Variants in COPS7B observed in about 807,000 individuals in gnomAD.
COPS7B encodes the protein COP9 signalosome complex subunit 7b.
Under a neutral mutation model 33.4 loss-of-function variants are expected in COPS7B, and 9 were observed. The ratio of observed to expected loss-of-function variants is 0.27; its 90% CI spans 0.16 to 0.47. COPS7B has a LOEUF of 0.47. Among genes scored for constraint, COPS7B ranks in the 20% least tolerant of loss-of-function variants. The pLI, the probability that COPS7B is intolerant of heterozygous loss-of-function variation, is 0.99. For synonymous variants in COPS7B, 119 were observed against 126.3 expected (o/e 0.94, Z 0.39); for missense variants, 242 against 318.2 (o/e 0.76, Z 1.82).
At chr2:231,793,807 C>T (rs2049487977) in intron 3 of COPS7B, 1 of 153,490 alleles carries the variant, frequency 6.5e-6, no homozygotes, top group Admixed American at 6.5e-5. Context: ...GATTGTAAGA[C>T]CGAGGACAAG....
chr2:231,803,755 G>T (rs2049814597), intron 6 of COPS7B, among the ~76,000 whole-genome samples: 1 of 152,196 alleles, frequency 6.6e-6, no homozygotes, highest in African/African-American at 2.4e-5. Context: ...ACTGCAGAAG[G>T]ATGATGCGCG....
Position 231,793,111 on chromosome 2 carries a change from G to A in COPS7B, c.239-1152G>A, listed in dbSNP as rs77404430. 1.1e-4 allele frequency among the ~76,000 whole-genome samples: 17 copies of A among 152,314 alleles called. No individual in the cohort carries two copies. In the East Asian group the frequency reaches 3.3e-3, roughly 29 times the overall value. On this transcript the variant is annotated intron_variant, in intron 3 of 6. Coordinates refer to ENST00000350033, the MANE Select transcript of COPS7B (RefSeq NM_022730.4). ...AGTTGTGTGTTCGTTGACAAATGAA[G>A]TAACCTTATGCAGCTCAATTTCCTC...
chr2:231,808,446 G>T lies in COPS7B; in HGVS notation c.*801G>T, dbSNP rs759786591. On this transcript the variant is annotated 3_prime_UTR_variant, in exon 7 of 7. Coordinates refer to ENST00000350033, the MANE Select transcript of COPS7B (RefSeq NM_022730.4). ...GCCCCAGCTGCCCACTGGAACTGCC[G>T]GCTAATGCTTGCTCTCCCAAGATCT... 1.5e-5 allele frequency: 7 copies of T among 471,430 alleles called. No individual in the cohort carries two copies. Among genetic ancestry groups the T allele is most frequent in the South Asian group, 1.1e-4 (7 of 64,544 alleles). The allele number at this position is 471,430 out of a possible 1,614,324, so 29.2% of individuals were successfully genotyped here. A position where few individuals can be genotyped will look rare whatever the true frequency, so the allele number is the denominator to read the frequency against.
chr2:231,785,153 G>A (rs1417044080), upstream of COPS7B, among the ~76,000 whole-genome samples: 1 of 152,154 alleles, frequency 6.6e-6, no homozygotes, highest in Non-Finnish European at 1.5e-5. Context: ...CTCACCGGAG[G>A]TTTTCCCTGC....
chr2:231,806,053 C>A (rs2049885837), intron 6 of COPS7B, among the ~76,000 whole-genome samples: 1 of 151,874 alleles, frequency 6.6e-6, no homozygotes, highest in African/African-American at 2.4e-5. Context: ...TGGCTTTTCC[C>A]CCTGTCTCAA....
chr2:231,799,491 A>G (rs1051176931), intron 6 of COPS7B, among the ~76,000 whole-genome samples: 7 of 152,254 alleles, frequency 4.6e-5, no homozygotes, highest in African/African-American at 1.4e-4. Flanking sequence ...GAAAGAAGAA[A>G]GGGATAAAAT....
intron 4 of COPS7B, among the ~76,000 whole-genome samples, chr2:231,795,202 A>C (rs2049532360): frequency 6.6e-6 from 1 of 152,090 alleles, no homozygotes; most frequent in Non-Finnish European, 1.5e-5. Flanking sequence ...TACAGGCATG[A>C]GCCACCGTGC....
chr2:231,801,092 A>G (rs1000801198), intron 6 of COPS7B: 13 of 1,539,074 alleles, frequency 8.4e-6, no homozygotes, highest in Non-Finnish European at 1.1e-5. Flanking sequence ...TTAAAAGCCA[A>G]TTTTGTCAAC....
At chr2:231,784,082 G>A (rs2049184962), upstream of COPS7B, among the ~76,000 whole-genome samples, 1 of 151,544 alleles carries the variant, frequency 6.6e-6, no homozygotes, top group Non-Finnish European at 1.5e-5. Flanking sequence ...TGTCTGAGAG[G>A]GAGGGTGTAA....
Position 231,808,697 on chromosome 2 carries a change from C to G in COPS7B, c.*1052C>G, listed in dbSNP as rs1183367748. ...TTTTTTTTTTGTACAGGTTCTGATT[C>G]TAATACATTTCAACATGCTTTTGTC... On this transcript the variant is annotated 3_prime_UTR_variant, in exon 7 of 7. Transcript: ENST00000350033. 6 of 229,098 alleles carry G rather than the reference C, an allele frequency of 2.6e-5. No homozygotes were observed. The highest frequency in any genetic ancestry group is 5.1e-5 in the Non-Finnish European group (6 of 116,902). 14.2% of individuals were successfully genotyped at this position (229,098 alleles called of 1,614,324 possible). A position where few individuals can be genotyped will look rare whatever the true frequency, so the allele number is the denominator to read the frequency against.
At chr2:231,806,653 C>T (rs551529286) in intron 6 of COPS7B, among the ~76,000 whole-genome samples, 5 of 152,140 alleles carry the variant, frequency 3.3e-5, no homozygotes, top group South Asian at 2.1e-4. Context: ...TTCCTCTCAA[C>T]GAACTGAGGA....
At chr2:231,806,553 CAAA>C (rs199988222) in intron 6 of COPS7B, among the ~76,000 whole-genome samples, 10 of 89,708 alleles carry the variant, frequency 1.1e-4, no homozygotes, top group Admixed American at 2.5e-4. Flanking sequence ...ACTCTGTCTC[CAAA>C]AAAAAAAAAA....
At position 231,795,523 on chromosome 2, in the gene COPS7B, A is replaced by G. The variant is rs529987253; in HGVS notation, c.328-583A>G. On this transcript the variant is annotated intron_variant, in intron 4 of 6. Coordinates refer to ENST00000350033, the MANE Select transcript of COPS7B (RefSeq NM_022730.4). ...TACTGATTGTGGACTTCTCAAGTGT[A>G]GTAAAGAATGTTGGTACAGCCCAAT... Among the ~76,000 whole-genome samples the G allele has an allele frequency of 3.3e-5, 5 of 152,362 alleles. No individual in the cohort carries two copies. In the South Asian group the frequency reaches 1.0e-3, roughly 32 times the overall value.
chr2:231,791,573 G>T, intron 2 of COPS7B, 160 bp from the exon 3 acceptor site: 1 of 584,266 alleles, frequency 1.7e-6, no homozygotes, highest in Non-Finnish European at 3.1e-6. Flanking sequence ...ATTTTTTCCC[G>T]AAGAACCAGA....
intron 5 of COPS7B, among the ~76,000 whole-genome samples, chr2:231,797,765 C>T (rs984799724): frequency 3.9e-5 from 6 of 152,100 alleles, no homozygotes; most frequent in Admixed American, 2.0e-4. Flanking sequence ...AGTCTTTCAA[C>T]TTTTTCATTT....
At chr2:231,800,829 A>C (rs181449115) in intron 6 of COPS7B, among the ~76,000 whole-genome samples, 1 of 152,356 alleles carries the variant, frequency 6.6e-6, no homozygotes, top group East Asian at 1.9e-4. Context: ...ATAATCTTTT[A>C]GAAAATCTGA....
intron 1 of COPS7B, 96 bp from the exon 2 acceptor site, chr2:231,788,459 A>G (rs1342473217): frequency 5.1e-6 from 6 of 1,187,612 alleles, no homozygotes; most frequent in East Asian, 2.4e-5. Flanking sequence ...TCAACACTAT[A>G]AAAGTAAAGT....
chr2:231,807,381 T>C (rs2049924547), intron 6 of COPS7B, 106 bp from the exon 7 acceptor site: 2 of 1,106,252 alleles, frequency 1.8e-6, no homozygotes, highest in Non-Finnish European at 2.5e-6. Flanking sequence ...ATTTCAGGTT[T>C]TCTTGCAGAG....
chr2:231,791,516 A>G (rs550957547), intron 2 of COPS7B: 1 of 564,764 alleles, frequency 1.8e-6, no homozygotes, highest in Non-Finnish European at 3.2e-6. Context: ...AAAGTAAAAC[A>G]TTCCTGAGAG....
Sources: allele counts gnomAD v4.1 joint callset (sites outside exome capture counted in the v4.1 genomes callset), GRCh38; gene constraint gnomAD v4.1.1; transcripts MANE v1.5; gene names NCBI Gene and HGNC (gene_info 2026-07-23, HGNC 2026-07-21).